Variants in VPS52 observed in about 807,000 individuals in gnomAD.
VPS52 encodes the protein VPS52 subunit of GARP complex, also known as vacuolar protein sorting-associated protein 52 homolog.
Under a neutral mutation model 98.7 loss-of-function variants are expected in VPS52, and 56 were observed. The ratio of observed to expected loss-of-function variants is 0.57; its 90% confidence interval spans 0.46 to 0.71. VPS52 has a LOEUF of 0.71. Ranked by LOEUF, VPS52 falls within the 30% of genes least tolerant of loss-of-function variation. The pLI is 0.00. For synonymous variants in VPS52, 348 were observed against 346.4 expected, an observed-to-expected ratio of 1.00 and a Z score of -0.05; for missense variants, 742 against 925.9, an observed-to-expected ratio of 0.80 and a Z score of 2.58.
intron 17 of VPS52, among the ~76,000 whole-genome samples, chr6:33,253,354 G>C (rs1376905293): frequency 6.6e-6 from 1 of 151,998 alleles, no homozygotes; most frequent in African/African-American, 2.4e-5. Context: ...GCTGGGCGTG[G>C]TGGTGGGTGT....
chr6:33,271,606 C>G lies in VPS52; in HGVS notation c.70G>C (p.Glu24Gln). ...CTCACCAGCGGGCCCTCTTCCTCCT[C>G]CATATCTGAGGTCCCAGCCCGCAAC... ...LVLRAGTSDM[E>Q]EEEGPLAGGP... Residue 24 changes from glutamate (E) to glutamine (Q), a missense_variant, in exon 1 of 20, where the codon GAG becomes CAG. By Grantham distance (29) the Glu-to-Gln change is conservative. Transcript: ENST00000445902. The G allele has an allele frequency of 1.9e-6, 3 of 1,610,908 alleles. No homozygotes were observed. The highest frequency in any genetic ancestry group is 2.5e-6 in the Non-Finnish European group (3 of 1,178,852).
At chr6:33,264,961 A>G (rs999407106) in intron 12 of VPS52, 61 bp from the exon 13 acceptor site, 57 of 1,417,372 alleles carry the variant, frequency 4.0e-5, no homozygotes, top group Non-Finnish European at 5.4e-5. Flanking sequence ...GTCCTCAGTG[A>G]CTATGAACAA....
At chr6:33,271,323 G>T in intron 1 of VPS52, 2 of 659,740 alleles carry the variant, frequency 3.0e-6, no homozygotes, top group Non-Finnish European at 5.5e-6. Context: ...CAGAGGCCAT[G>T]TTCTTAACCT....
At chr6:33,258,731 T>C (rs920383972) in intron 17 of VPS52, among the ~76,000 whole-genome samples, 1 of 152,152 alleles carries the variant, frequency 6.6e-6, no homozygotes, top group Non-Finnish European at 1.5e-5. Flanking sequence ...CTATGCCTGG[T>C]TAATTTTTGT....
Position 33,267,890 on chromosome 6 carries a change from T to C in VPS52, c.908A>G (p.Tyr303Cys). The change falls in exon 9 of 20, where the codon TAC becomes TGC. Residue 303 changes from tyrosine (Y) to cysteine (C), a missense_variant. By Grantham distance (194) the Tyr-to-Cys change is radical. Around this residue, in one of 2 missense-constraint regions of VPS52, gnomAD observed 590 missense variants for 793.3 expected, o/e 0.74. Transcript: ENST00000445902. The surrounding 1 kb of genome is among the most constrained non-coding windows in gnomAD (Gnocchi z 4.2). ...CTGCACCTTCATGAGCCGCCCCAGG[T>C]AAGAGCGGTAGTAAGACAGGTAAAT... ...SKIYLSYYRS[Y>C]LGRLMKVQYE... 1.9e-6 allele frequency: 3 copies of C among 1,613,046 alleles called. No homozygotes were observed. The highest frequency in any genetic ancestry group is 2.5e-6 in the Non-Finnish European group (3 of 1,180,018).
In VPS52 at chr6:33,250,862, C is replaced by T. The variant is rs758493602; in HGVS notation, c.2151G>A (p.Lys717=). 3.7e-6 allele frequency: 6 copies of T among 1,612,602 alleles called. No homozygotes were observed. Among genetic ancestry groups the T allele is most frequent in the Non-Finnish European group, 5.1e-6 (6 of 1,179,720 alleles). The change falls in exon 20 of 20, where the codon AAG becomes AAA. Residue 717 remains lysine (K), a synonymous_variant. Coordinates refer to ENST00000445902, the MANE Select transcript of VPS52 (RefSeq NM_022553.6). ...INIHHLMVEL[K]KHKPNF ...CACATCAGAAGTTGGGCTTATGCTT[C>T]TTGAGCTCCACCATAAGGTGGTGAA...
intron 17 of VPS52, among the ~76,000 whole-genome samples, chr6:33,261,662 G>A (rs929782296): frequency 2.0e-4 from 31 of 152,066 alleles, no homozygotes; most frequent in African/African-American, 7.5e-4. Flanking sequence ...CAAGACACGG[G>A]TCTGGGCAAA....
In VPS52 at chr6:33,266,679, A is replaced by G. The variant is rs1303826007; in HGVS notation, c.1159T>C (p.Tyr387His). Residue 387 changes from tyrosine (Y) to histidine (H), a missense_variant, in exon 12 of 20, where the codon TAC becomes CAC. Tyr to His is a moderately conservative substitution (Grantham distance 83, BLOSUM62 2). This residue lies in a region of VPS52 where 590 missense variants were observed against 793.3 expected (regional missense o/e 0.74). Transcript: ENST00000445902. ...PFEALFRSQH[Y>H]ALLDNSCREY... is the part of the protein sequence containing the mutation. Reference sequence around the variant, plus strand: ...CGGCAGGAATTGTCTAGGAGGGCGTAGTGCTGGCTGCGGAAGAGGGCCTCA... The same window carrying G: ...CGGCAGGAATTGTCTAGGAGGGCGTGGTGCTGGCTGCGGAAGAGGGCCTCA... 1.2e-6 allele frequency: 2 copies of G among 1,612,280 alleles called. No homozygotes were observed. The highest frequency in any genetic ancestry group is 2.2e-5 in the South Asian group (2 of 91,044).
At chr6:33,269,466 G>A (rs1446966555) in intron 5 of VPS52, 24 bp downstream of exon 5, 3 of 1,612,770 alleles carry the variant, frequency 1.9e-6, no homozygotes, top group Non-Finnish European at 2.5e-6. Context: ...TAGCTATTAG[G>A]GGTCACAGGT....
Position 33,269,465 on chromosome 6 carries a change from G to A in VPS52, c.372+25C>T, listed in dbSNP as rs199824131. On this transcript the variant is annotated intron_variant, in intron 5 of 19. Transcript: ENST00000445902. ...ATGATCTGGTTCAGAGTAGCTATTA[G>A]GGGTCACAGGTCATGATTACTAACC... The A allele has an allele frequency of 3.0e-4, 481 of 1,612,884 alleles. 2 individuals carry two copies. The Middle Eastern group carries it at 6.8e-3, about 23-fold the overall frequency.
Position 33,267,804 on chromosome 6 carries a change from C to T in VPS52, c.933+61G>A. 1 of 1,612,826 alleles carries T rather than the reference C, an allele frequency of 6.2e-7. No individual in the cohort carries two copies. The highest frequency in any genetic ancestry group is 8.5e-7 in the Non-Finnish European group (1 of 1,179,944). ...CACAACACAATAAAATATTCCTTGC[C>T]CAGGGATGTCCCCTCCTCCCAGTCC... On this transcript the variant is annotated intron_variant, in intron 9 of 19. Transcript: ENST00000445902. The surrounding 1 kb of genome is among the most constrained non-coding windows in gnomAD (Gnocchi z 4.2).
chr6:33,266,633 TCA>T lies in VPS52; in HGVS notation c.1203_1204del (p.Cys401Ter). 1.9e-6 allele frequency: 3 copies of T among 1,612,808 alleles called. No individual in the cohort carries two copies. The highest frequency in any genetic ancestry group is 1.7e-6 in the Non-Finnish European group (2 of 1,179,956). On this transcript the variant is annotated stop_gained and frameshift_variant, in exon 12 of 20. Coordinates refer to ENST00000445902, the MANE Select transcript of VPS52 (RefSeq NM_022553.6). LOFTEE classifies it high-confidence loss of function. ...AGCTGGGCCAGACACAACAAAAAAT[TCA>T]CAGATGAAAAGGTATTCGCGGCAGG...
chr6:33,271,118 C>A, intron 1 of VPS52: 1 of 397,406 alleles, frequency 2.5e-6, no homozygotes, highest in Admixed American at 4.2e-5. Flanking sequence ...CTAGAAATGT[C>A]AAAACACATA....
chr6:33,264,180 C>G, intron 14 of VPS52, 77 bp from the exon 15 acceptor site: 3 of 1,573,544 alleles, frequency 1.9e-6, no homozygotes, highest in African/African-American at 1.3e-5. Context: ...CTTAGCCAAC[C>G]CACCTCCATG....
chr6:33,255,237 C>CT (rs1762785899), intron 17 of VPS52, among the ~76,000 whole-genome samples: 1 of 152,206 alleles, frequency 6.6e-6, no homozygotes, highest in Admixed American at 6.5e-5. Flanking sequence ...TGGGCTTTAA[C>CT]AATCTTTCCT....
At position 33,250,859 on chromosome 6, in the gene VPS52, C is replaced by T. The variant is rs752891677; in HGVS notation, c.2154G>A (p.Lys718=). ...NIHHLMVELK[K]HKPNF ...TGGCACATCAGAAGTTGGGCTTATG[C>T]TTCTTGAGCTCCACCATAAGGTGGT... The change falls in exon 20 of 20, where the codon AAG becomes AAA. Residue 718 remains lysine, a synonymous_variant. Coordinates refer to ENST00000445902, the MANE Select transcript of VPS52 (RefSeq NM_022553.6). 1.9e-6 allele frequency: 3 copies of T among 1,612,170 alleles called. No homozygotes were observed. The highest frequency in any genetic ancestry group is 1.3e-5 in the African/African-American group (1 of 74,880).
At chr6:33,253,562 A>AT (rs1762574444) in intron 17 of VPS52, among the ~76,000 whole-genome samples, 1 of 151,920 alleles carries the variant, frequency 6.6e-6, no homozygotes, top group Non-Finnish European at 1.5e-5. Flanking sequence ...AGATAAGATA[A>AT]TTTTTTTAAG....
Position 33,268,620 on chromosome 6 carries a change from G to A in VPS52, c.578C>T (p.Pro193Leu). ...CTCCTGTAGCTGCTCCAAGAACCTG[G>A]GCTCTGTCACTGGAGCCTCCAGAAT... ...TAILEAPVTE[P>L]RFLEQLQELD... The change falls in exon 7 of 20, where the codon CCC becomes CTC. Residue 193 changes from proline to leucine, a missense_variant. Transcript: ENST00000445902. This position sits in a 1 kb window ranked among gnomAD's most constrained non-coding sequence, Gnocchi z 4.0. The A allele has an allele frequency of 6.2e-7, 1 of 1,608,628 alleles. No homozygotes were observed. The highest frequency in any genetic ancestry group is 8.5e-7 in the Non-Finnish European group (1 of 1,179,770).
At chr6:33,259,782 G>GA (rs1170678810) in intron 17 of VPS52, among the ~76,000 whole-genome samples, 12 of 150,608 alleles carry the variant, frequency 8.0e-5, no homozygotes, top group Non-Finnish European at 5.9e-5. Context: ...AAAAAAAAAA[G>GA]AAAAAAAATG....
Sources: allele counts gnomAD v4.1 joint callset (sites outside exome capture counted in the v4.1 genomes callset), GRCh38; gene constraint gnomAD v4.1.1; regional missense constraint gnomAD v4.1.1; non-coding constraint Gnocchi (gnomAD v3.1); transcripts MANE v1.5; gene names NCBI Gene and HGNC (gene_info 2026-07-23, HGNC 2026-07-21).